Variants in MTHFD2L observed in about 807,000 individuals in gnomAD.
The protein encoded by MTHFD2L is bifunctional methylenetetrahydrofolate dehydrogenase/cyclohydrolase 2, mitochondrial.
A neutral mutation model predicts 34.9 loss-of-function variants in MTHFD2L; 29 were observed. The observed-to-expected ratio is 0.83, with a 90% confidence interval of 0.62 to 1.13. The LOEUF is 1.13. Among genes scored for constraint, MTHFD2L ranks in the 50% most tolerant of loss-of-function variants. The pLI is 0.00. For missense variants in MTHFD2L, 481 were observed against 446.5 expected, an observed-to-expected ratio of 1.08 and a Z score of -0.70; for synonymous variants, 167 against 155.7, an observed-to-expected ratio of 1.07 and a Z score of -0.54.
At chr4:74,227,532 T>G (rs897947009) in intron 6 of MTHFD2L, among the ~76,000 whole-genome samples, 3 of 152,142 alleles carry the variant, frequency 2.0e-5, no homozygotes, top group African/African-American at 7.2e-5. Flanking sequence ...AAACAGCAGA[T>G]ACCAAAGTCC....
At chr4:74,239,145 C>T (rs763495778) in intron 6 of MTHFD2L, among the ~76,000 whole-genome samples, 24 of 152,114 alleles carry the variant, frequency 1.6e-4, no homozygotes, top group Non-Finnish European at 2.5e-4. Context: ...CCATGGAATA[C>T]TATGCAGCCA....
intron 6 of MTHFD2L, chr4:74,280,500 A>G (rs1296619528): frequency 1.3e-5 from 2 of 152,268 alleles, no homozygotes; most frequent in Non-Finnish European, 1.5e-5. Context: ...TTCAGACACT[A>G]TCTGACTCCA....
intron 5 of MTHFD2L, among the ~76,000 whole-genome samples, chr4:74,223,899 C>G (rs1248982293): frequency 6.6e-6 from 1 of 152,064 alleles, no homozygotes; most frequent in Non-Finnish European, 1.5e-5. Flanking sequence ...GTTAATTAGT[C>G]TAACACCACT....
chr4:74,228,209 A>G (rs1381898076), intron 6 of MTHFD2L, among the ~76,000 whole-genome samples: 1 of 152,218 alleles, frequency 6.6e-6, no homozygotes, highest in Non-Finnish European at 1.5e-5. Flanking sequence ...TTCAGACCAC[A>G]GATCAGCATT....
intron 1 of MTHFD2L, among the ~76,000 whole-genome samples, chr4:74,164,718 T>C (rs1017535821): frequency 3.3e-5 from 5 of 152,252 alleles, no homozygotes; most frequent in Admixed American, 6.5e-5. Flanking sequence ...TTATTATTGC[T>C]ACTAATGGTA....
At chr4:74,124,284 A>T (rs185567543), upstream of MTHFD2L, among the ~76,000 whole-genome samples, 1,105 of 147,604 alleles carry the variant, frequency 7.5e-3, 10 homozygotes, top group Middle Eastern at 0.014. Flanking sequence ...GTTTTTTTTT[A>T]AAAAAAATAC....
At chr4:74,164,452 G>A (rs1022765412) in intron 1 of MTHFD2L, among the ~76,000 whole-genome samples, 1 of 152,108 alleles carries the variant, frequency 6.6e-6, no homozygotes, top group Non-Finnish European at 1.5e-5. Flanking sequence ...TTTATTTTCT[G>A]GAAGTACAAG....
chr4:74,276,023 T>G (rs906901731), intron 6 of MTHFD2L, among the ~76,000 whole-genome samples: 1 of 152,156 alleles, frequency 6.6e-6, no homozygotes. Context: ...TCTTTGTCCA[T>G]GCCTATGTCC....
intron 1 of MTHFD2L, chr4:74,161,566 A>T: frequency 6.6e-6 from 1 of 152,296 alleles, no homozygotes; most frequent in Middle Eastern, 3.4e-3. Flanking sequence ...CTTAAGTTTT[A>T]TTTTCTTTGT....
intron 5 of MTHFD2L, among the ~76,000 whole-genome samples, chr4:74,202,082 C>T (rs505019): frequency 0.064 from 9,675 of 152,274 alleles, 933 homozygotes; most frequent in African/African-American, 0.21. Context: ...AGCTGAGCAT[C>T]TGGGCCGCTT....
At chr4:74,281,677 G>T in intron 7 of MTHFD2L, 127 bp downstream of exon 7, 2 of 928,818 alleles carry the variant, frequency 2.2e-6, no homozygotes, top group Non-Finnish European at 1.5e-6. Flanking sequence ...TTTCTTCTGA[G>T]GGAAAAGATT....
rs1418424685 is a variant in MTHFD2L, at chr4:74,186,106, TAAC to T, written c.451+10706_451+10708del. ...CAGTAAACAATGTATTTTACCATAT[TAAC>T]AAGCTAAAAATGAAAATCATATAAT... On this transcript the variant is annotated intron_variant, in intron 3 of 7. Coordinates refer to ENST00000325278, the MANE Select transcript of MTHFD2L (RefSeq NM_001144978.3). Among the ~76,000 whole-genome samples, 3 of 152,082 alleles carry T rather than the reference TAAC, an allele frequency of 2.0e-5. No homozygotes were observed. In the East Asian group the frequency reaches 5.8e-4, roughly 29 times the overall value.
chr4:74,261,021 T>A (rs776003482), intron 6 of MTHFD2L, among the ~76,000 whole-genome samples: 336 of 151,276 alleles, frequency 2.2e-3, no homozygotes, highest in Admixed American at 4.1e-3. Context: ...GAAAAAAATA[T>A]ATATATATAT....
chr4:74,294,871 A>G (rs1461722899), intron 7 of MTHFD2L, among the ~76,000 whole-genome samples: 1 of 152,114 alleles, frequency 6.6e-6, no homozygotes, highest in Non-Finnish European at 1.5e-5. Flanking sequence ...GGGAGAAGAG[A>G]GAACACGGAA....
chr4:74,258,774 A>C (rs1220586367), intron 6 of MTHFD2L, among the ~76,000 whole-genome samples: 1 of 152,180 alleles, frequency 6.6e-6, no homozygotes, highest in Non-Finnish European at 1.5e-5. Context: ...AAATGAAATA[A>C]TTAGTTCTAT....
chr4:74,187,733 T>TACAC (rs35175417), intron 3 of MTHFD2L, among the ~76,000 whole-genome samples: 3,430 of 134,236 alleles, frequency 0.026, 99 homozygotes, highest in African/African-American at 0.07. Flanking sequence ...AAACGTTAAA[T>TACAC]ACACACACAC....
chr4:74,257,653 A>G (rs960102710), intron 6 of MTHFD2L, among the ~76,000 whole-genome samples: 21 of 152,170 alleles, frequency 1.4e-4, no homozygotes, highest in Admixed American at 1.2e-3. Flanking sequence ...GGAGAAATAT[A>G]CTTTGGGAAA....
At chr4:74,143,524 C>A (rs151079483) in intron 1 of MTHFD2L, 9 of 764,694 alleles carry the variant, frequency 1.2e-5, no homozygotes, top group African/African-American at 1.1e-4. Flanking sequence ...TAAACAAGCA[C>A]GGTTCCCTGG....
chr4:74,275,144 T>C (rs981924734), intron 6 of MTHFD2L, among the ~76,000 whole-genome samples: 11 of 152,126 alleles, frequency 7.2e-5, no homozygotes, highest in African/African-American at 2.7e-4. Flanking sequence ...GCCTTTCCTG[T>C]GTCCATGTGT....
Sources: allele counts gnomAD v4.1 joint callset (sites outside exome capture counted in the v4.1 genomes callset), GRCh38; gene constraint gnomAD v4.1.1; transcripts MANE v1.5; gene names NCBI Gene and HGNC (gene_info 2026-07-23, HGNC 2026-07-21).